Variants in ADTRP observed in about 807,000 individuals in gnomAD.
The protein encoded by ADTRP is androgen-dependent TFPI-regulating protein.
A neutral mutation model predicts 27.0 loss-of-function variants in ADTRP; 20 were observed. The ratio of observed to expected loss-of-function variants is 0.74; its 90% confidence interval spans 0.52 to 1.08. The LOEUF (loss-of-function observed/expected upper bound fraction) is 1.08. Among genes scored for constraint, ADTRP ranks in the 50% least tolerant of loss-of-function variants. The pLI is 0.00. For synonymous variants in ADTRP, 101 were observed against 105.2 expected (o/e 0.96, Z 0.25); for missense variants, 251 against 275.0 (o/e 0.91, Z 0.62).
At chr6:11,747,093 G>A (rs1219091083) in intron 3 of ADTRP, among the ~76,000 whole-genome samples, 1 of 152,210 alleles carries the variant, frequency 6.6e-6, no homozygotes, top group African/African-American at 2.4e-5. Context: ...TCCTGAGAAC[G>A]CAAGCCTGGG....
At chr6:11,762,541 G>A (rs2235397) in intron 3 of ADTRP, among the ~76,000 whole-genome samples, 114,419 of 152,160 alleles carry the variant, frequency 0.75, 43,171 homozygotes, top group East Asian at 0.95. Context: ...AGCCAGGGAA[G>A]GTCCTGTCTC....
intron 3 of ADTRP, chr6:11,736,357 A>T (rs1203530866): frequency 6.5e-6 from 1 of 152,908 alleles, no homozygotes; most frequent in Non-Finnish European, 1.5e-5. Context: ...ATGTTCATGC[A>T]TACTCTCACA....
intron 4 of ADTRP, among the ~76,000 whole-genome samples, chr6:11,734,031 C>A (rs172404): frequency 0.54 from 81,806 of 151,920 alleles, 22,946 homozygotes; most frequent in Non-Finnish European, 0.61. Flanking sequence ...TATGAACTAC[C>A]AGATTTACAC....
chr6:11,744,777 T>A lies in ADTRP; in HGVS notation c.391-9094A>T, dbSNP rs919434673. 2.0e-4 allele frequency among the ~76,000 whole-genome samples: 30 copies of A among 152,184 alleles called. 1 individual carries two copies. The highest frequency in any genetic ancestry group is 7.2e-4 in the African/African-American group (30 of 41,432). ...CTGCTCCAAGTTGGAGGAAGGAGATTGTTCTTTTAAAGAAAGAGGAAGTTT... is the reference window on the plus strand; with the variant it reads ...CTGCTCCAAGTTGGAGGAAGGAGATAGTTCTTTTAAAGAAAGAGGAAGTTT... On this transcript the variant is annotated intron_variant, in intron 3 of 5. Coordinates refer to ENST00000414691, the MANE Select transcript of ADTRP (RefSeq NM_032744.4).
At chr6:11,762,913 T>A (rs1305993653) in intron 3 of ADTRP, among the ~76,000 whole-genome samples, 1 of 152,198 alleles carries the variant, frequency 6.6e-6, no homozygotes, top group African/African-American at 2.4e-5. Context: ...CTTACTGCTA[T>A]TTAAATCTGT....
At chr6:11,765,319 G>GTTTTTTTTTTTTTTTTTTTT (rs770169717) in intron 3 of ADTRP, among the ~76,000 whole-genome samples, 1 of 112,526 alleles carries the variant, frequency 8.9e-6, no homozygotes. Context: ...CTTTCCCCTG[G>GTTTTTTTTTTTTTTTTTTTT]TTTGTTTTTT....
chr6:11,716,719 C>CTTTTTCT (rs200468981), intron 5 of ADTRP, among the ~76,000 whole-genome samples: 5,908 of 125,222 alleles, frequency 0.047, 246 homozygotes, highest in Middle Eastern at 0.055. Context: ...TTTTCTTTTT[C>CTTTTTCT]TTTTTTTTTT....
intron 5 of ADTRP, among the ~76,000 whole-genome samples, chr6:11,715,988 G>T (rs1480372336): frequency 6.6e-6 from 1 of 151,720 alleles, no homozygotes; most frequent in Non-Finnish European, 1.5e-5. Flanking sequence ...TTCCATTTTT[G>T]ATGTGAATTC....
At chr6:11,736,602 C>G (rs1762563538) in intron 3 of ADTRP, 1 of 152,720 alleles carries the variant, frequency 6.5e-6, no homozygotes, top group African/African-American at 2.4e-5. Flanking sequence ...CCTCCTGTCC[C>G]TGCTTCCTCT....
intron 4 of ADTRP, among the ~76,000 whole-genome samples, chr6:11,726,368 G>T (rs1762200602): frequency 6.6e-6 from 1 of 152,186 alleles, no homozygotes; most frequent in African/African-American, 2.4e-5. Flanking sequence ...GGGTCATGGG[G>T]TTGGATCTCC....
At chr6:11,735,987 C>A in intron 3 of ADTRP, 1 of 251,762 alleles carries the variant, frequency 4.0e-6, no homozygotes. Flanking sequence ...GAGATGCAGT[C>A]TTGCTCTGTC....
At chr6:11,716,826 C>CA (rs1160273795) in intron 5 of ADTRP, among the ~76,000 whole-genome samples, 4 of 150,618 alleles carry the variant, frequency 2.7e-5, no homozygotes, top group Non-Finnish European at 5.9e-5. Context: ...GTGTTTCTCC[C>CA]ACCTCTCAGC....
At chr6:11,721,607 T>C (rs1762027178) in intron 5 of ADTRP, among the ~76,000 whole-genome samples, 1 of 152,222 alleles carries the variant, frequency 6.6e-6, no homozygotes, top group South Asian at 2.1e-4. Flanking sequence ...CCTTTTACCC[T>C]TTCTCTTCTT....
intron 3 of ADTRP, among the ~76,000 whole-genome samples, chr6:11,753,740 T>C (rs1156529836): frequency 6.6e-6 from 1 of 152,230 alleles, no homozygotes; most frequent in Admixed American, 6.5e-5. Context: ...TGCTACAAAA[T>C]AATATTCATT....
intron 3 of ADTRP, among the ~76,000 whole-genome samples, chr6:11,753,591 T>C (rs982227235): frequency 6.6e-5 from 10 of 152,238 alleles, no homozygotes; most frequent in African/African-American, 2.4e-4. Context: ...TTTTAAAATA[T>C]GTCAGAAAGA....
chr6:11,741,739 G>T (rs1581335724), intron 3 of ADTRP, among the ~76,000 whole-genome samples: 1 of 150,738 alleles, frequency 6.6e-6, no homozygotes. Context: ...AAAGATATGG[G>T]ATCTTAGGAC....
At chr6:11,715,724 C>T (rs577127063) in intron 5 of ADTRP, among the ~76,000 whole-genome samples, 11 of 139,810 alleles carry the variant, frequency 7.9e-5, no homozygotes, top group South Asian at 4.7e-4. Context: ...CAGCTCACTG[C>T]GGCCTTGAGC....
rs537872426 is a variant in ADTRP, at chr6:11,761,208, C to T, written c.390+5066G>A. Among the ~76,000 whole-genome samples the T allele has an allele frequency of 1.1e-4, 17 of 152,310 alleles. No individual in the cohort carries two copies. In the South Asian group the frequency reaches 3.1e-3, roughly 28 times the overall value. On this transcript the variant is annotated intron_variant, in intron 3 of 5. Coordinates refer to ENST00000414691, the MANE Select transcript of ADTRP (RefSeq NM_032744.4). The stretch of plus-strand genomic sequence containing the variant: ...AGCTCATCATAGAGGCATCCCTTGG[C>T]CACCATAATTTCCCTGTACGCTATT...
intron 5 of ADTRP, chr6:11,717,191 T>G: frequency 9.5e-7 from 1 of 1,051,790 alleles, no homozygotes; most frequent in Middle Eastern, 3.7e-4. Flanking sequence ...TTTTTCCCAG[T>G]AGAAAGTATC....
Sources: gnomAD v4.1 joint callset for allele counts (sites outside exome capture counted in the v4.1 genomes callset) on GRCh38, gnomAD v4.1.1 for gene constraint, MANE v1.5 for transcripts, NCBI Gene and HGNC (gene_info 2026-07-23, HGNC 2026-07-21) for gene names.